The following ITGB4 variants were observed in gnomAD, a reference collection of about 807,000 sequenced individuals.
ITGB4 encodes integrin subunit beta 4.
In ITGB4, 159 loss-of-function variants were observed where a neutral mutation model predicts 207.6. The ratio of observed to expected loss-of-function variants is 0.77; its 90% CI spans 0.67 to 0.87. ITGB4 has a LOEUF of 0.87. Ranked by LOEUF, ITGB4 falls within the 40% of genes least tolerant of loss-of-function variation. ITGB4 has a pLI of 0.00. For missense variants in ITGB4, 2,278 were observed against 2,546.8 expected, an observed-to-expected ratio of 0.89 and a Z score of 2.27; for synonymous variants, 1,020 against 1,062.7, an observed-to-expected ratio of 0.96 and a Z score of 0.78.
intron 23 of ITGB4, among the ~76,000 whole-genome samples, chr17:75,741,595 C>G (rs2061111935): frequency 6.6e-6 from 1 of 151,916 alleles, no homozygotes; most frequent in Admixed American, 6.6e-5. Flanking sequence ...CACCTCAGGT[C>G]AGGAGTTTAA....
At chr17:75,728,560 C>T (rs1190428587) in intron 6 of ITGB4, 87 bp downstream of exon 6, 42 of 1,112,348 alleles carry the variant, frequency 3.8e-5, no homozygotes, top group Non-Finnish European at 5.4e-5. Flanking sequence ...TAAAATTATC[C>T]TTCTACGGCT....
chr17:75,751,602 A>C (rs1052824567), intron 30 of ITGB4: 5 of 233,574 alleles, frequency 2.1e-5, no homozygotes, highest in Admixed American at 1.6e-4. Flanking sequence ...TTAGACAGGC[A>C]TGGTGGCTCA....
chr17:75,721,839 G>A lies in ITGB4; in HGVS notation c.-11+227G>A, dbSNP rs758216518. On this transcript the variant is annotated intron_variant, in intron 1 of 39. Transcript: ENST00000200181. ...CCCATCAGACCTCCAGGCCAGAGGA[G>A]CGCCTTGGGTGCGCCTGCGGGAGAA... Among the ~76,000 whole-genome samples the A allele has an allele frequency of 5.3e-5, 8 of 152,358 alleles. No homozygotes were observed. In the East Asian group the frequency reaches 1.5e-3, roughly 29 times the overall value.
intron 32 of ITGB4, among the ~76,000 whole-genome samples, 157 bp from the exon 33 acceptor site, chr17:75,753,608 C>T (rs2143445930): frequency 6.6e-6 from 1 of 152,330 alleles, no homozygotes; most frequent in Non-Finnish European, 1.5e-5. Flanking sequence ...CCTTCCCGCT[C>T]CGGCCGTGCG....
chr17:75,728,270 C>A (rs371307520), intron 5 of ITGB4, 107 bp from the exon 6 acceptor site: 12 of 865,266 alleles, frequency 1.4e-5, no homozygotes, highest in Non-Finnish European at 2.2e-5. Flanking sequence ...GCATGCAAAG[C>A]GTTAACCTCC....
Position 75,736,752 on chromosome 17 carries a change from G to A in ITGB4, c.1990+58G>A, listed in dbSNP as rs372342409. The A allele has an allele frequency of 3.1e-5, 48 of 1,551,696 alleles. No homozygotes were observed. The African/African-American group carries it at 5.1e-4, about 17-fold the overall frequency. On this transcript the variant is annotated intron_variant, in intron 16 of 39. Transcript: ENST00000200181. Reference sequence around the variant, plus strand: ...AGAGCCTAGGCAGCGGGCATCCAACGGGGCAAGGGTGTCATCACCTGGACG... The same window carrying A: ...AGAGCCTAGGCAGCGGGCATCCAACAGGGCAAGGGTGTCATCACCTGGACG...
At chr17:75,756,921 T>C (rs777762303) in intron 37 of ITGB4, 22 bp from the exon 38 acceptor site, 1 of 1,612,224 alleles carries the variant, frequency 6.2e-7, no homozygotes, top group Non-Finnish European at 8.5e-7. Context: ...CCGCAGACGC[T>C]GAAGGCATCT....
intron 13 of ITGB4, among the ~76,000 whole-genome samples, chr17:75,734,321 A>T (rs576707135): frequency 6.6e-6 from 1 of 151,790 alleles, no homozygotes; most frequent in Non-Finnish European, 1.5e-5. Context: ...TTTTTAGTAG[A>T]GACAGGGTTT....
rs541920932 is a variant in ITGB4, at chr17:75,732,107, C to T, written c.1378-56C>T. The T allele has an allele frequency of 6.8e-6, 11 of 1,607,552 alleles. No individual in the cohort carries two copies. The African/African-American group carries it at 9.3e-5, about 14-fold the overall frequency. On this transcript the variant is annotated intron_variant, in intron 11 of 39. Coordinates refer to ENST00000200181, the MANE Select transcript of ITGB4 (RefSeq NM_000213.5). The surrounding 1 kb of genome is among the most constrained non-coding windows in gnomAD (Gnocchi z 5.3). Reference sequence around the variant, plus strand: ...AGGCACACAGGAGAGCGGAAGTGTCCAGTGGCCCCGGTCCTGCTCCCCCGA... The same window carrying T: ...AGGCACACAGGAGAGCGGAAGTGTCTAGTGGCCCCGGTCCTGCTCCCCCGA...
intron 32 of ITGB4, among the ~76,000 whole-genome samples, chr17:75,753,462 C>T (rs1450538881): frequency 6.6e-6 from 1 of 152,334 alleles, no homozygotes; most frequent in East Asian, 1.9e-4. Flanking sequence ...GCAAGGGAGA[C>T]CTCACAGCTG....
At chr17:75,723,852 C>T (rs1014709296) in intron 1 of ITGB4, among the ~76,000 whole-genome samples, 2 of 152,266 alleles carry the variant, frequency 1.3e-5, no homozygotes, top group African/African-American at 2.4e-5. Flanking sequence ...ATGGCTCTGC[C>T]GCCAGCCTCT....
At position 75,752,473 on chromosome 17, in the gene ITGB4, T is replaced by C; in HGVS notation, c.4004T>C (p.Val1335Ala). 2 of 1,613,588 alleles carry C rather than the reference T, an allele frequency of 1.2e-6. No homozygotes were observed. Among genetic ancestry groups the C allele is most frequent in the Non-Finnish European group, 1.7e-6 (2 of 1,180,006 alleles). The change falls in exon 32 of 40, where the codon GTG becomes GCG. Residue 1335 changes from valine (V) to alanine (A), a missense_variant. Val to Ala is a moderately conservative substitution (Grantham distance 64). Transcript: ENST00000200181. ...CCCATCATCCCTGACATCCCTATCGTGGACGCCCAGAGCGGGGAGGACTAC... is the reference window on the plus strand; with the variant it reads ...CCCATCATCCCTGACATCCCTATCGCGGACGCCCAGAGCGGGGAGGACTAC... ...SIPIIPDIPI[V>A]DAQSGEDYDS...
chr17:75,748,042 T>C (rs1311299276), intron 26 of ITGB4, among the ~76,000 whole-genome samples: 1 of 152,084 alleles, frequency 6.6e-6, no homozygotes, highest in South Asian at 2.1e-4. Context: ...CTCCCAGTTC[T>C]TATCCTGGAA....
chr17:75,750,668 C>A lies in ITGB4; in HGVS notation c.3475-12C>A, dbSNP rs1258980694. The A allele has an allele frequency of 6.2e-7, 1 of 1,612,108 alleles. No homozygotes were observed. The highest frequency in any genetic ancestry group is 8.5e-7 in the Non-Finnish European group (1 of 1,179,346). On this transcript the variant is annotated splice_polypyrimidine_tract_variant and intron_variant, in intron 28 of 39. Coordinates refer to ENST00000200181, the MANE Select transcript of ITGB4 (RefSeq NM_000213.5). The surrounding 1 kb of genome is among the most constrained non-coding windows in gnomAD (Gnocchi z 5.5). The stretch of plus-strand genomic sequence containing the variant: ...GCTCCCTGCTGACCAGGACCCCTGT[C>A]CCTGGGGGTAGGTAAAGTACTGGAT...
At position 75,730,190 on chromosome 17, in the gene ITGB4, G is replaced by A. The variant is rs369224546; in HGVS notation, c.739-51G>A. ...CCCGTCCTACACGACGCCGTGATGC[G>A]TGTCAGCAGGCAGCCTGCTCAGTGG... On this transcript the variant is annotated intron_variant, in intron 7 of 39. Transcript: ENST00000200181. 1.6e-4 allele frequency: 260 copies of A among 1,608,864 alleles called. 1 individual carries two copies. Among genetic ancestry groups the A allele is most frequent in the African/African-American group, 1.6e-3 (117 of 75,016 alleles).
At chr17:75,757,158 C>T in intron 38 of ITGB4, 42 bp from the exon 39 acceptor site, 1 of 1,612,492 alleles carries the variant, frequency 6.2e-7, no homozygotes, top group Non-Finnish European at 8.5e-7. Context: ...GCCGTGCCTC[C>T]TTCTGGCACC....
chr17:75,737,154 G>A (rs568456723), intron 16 of ITGB4, among the ~76,000 whole-genome samples, 168 bp from the exon 17 acceptor site: 3 of 152,280 alleles, frequency 2.0e-5, no homozygotes, highest in South Asian at 4.1e-4. Context: ...CACCACACCC[G>A]TTCCTGTGCC....
chr17:75,731,187 G>A lies in ITGB4; in HGVS notation c.1093-59G>A. On this transcript the variant is annotated intron_variant, in intron 9 of 39. Transcript: ENST00000200181. This position sits in a 1 kb window ranked among gnomAD's most constrained non-coding sequence, Gnocchi z 6.8. ...CGCATGATGCCAGCCACACTTGGAG[G>A]TTGGGGTGGAGCACAGAGGCCCCCC... The A allele has an allele frequency of 6.2e-7, 1 of 1,612,548 alleles. No homozygotes were observed. The highest frequency in any genetic ancestry group is 8.5e-7 in the Non-Finnish European group (1 of 1,179,766).
chr17:75,756,873 C>CG lies in ITGB4; in HGVS notation c.5053+19dup, dbSNP rs762080003. On this transcript the variant is annotated intron_variant, in intron 37 of 39. Coordinates refer to ENST00000200181, the MANE Select transcript of ITGB4 (RefSeq NM_000213.5). ...CCCAAGGAGGAGGTGCTGCCCACCC[C>CG]GGGGGCAGGAGTGGCCAGGGGAGGG... 4 of 1,612,170 alleles carry CG rather than the reference C, an allele frequency of 2.5e-6. No homozygotes were observed. Among genetic ancestry groups the CG allele is most frequent in the South Asian group, 2.2e-5 (2 of 91,054 alleles).
Sources: allele counts gnomAD v4.1 joint callset (sites outside exome capture counted in the v4.1 genomes callset), GRCh38; gene constraint gnomAD v4.1.1; non-coding constraint Gnocchi (gnomAD v3.1); transcripts MANE v1.5; gene names NCBI Gene and HGNC (gene_info 2026-07-23, HGNC 2026-07-21).